The following PSD3 variants were observed in gnomAD, a reference collection of about 807,000 sequenced individuals.
PSD3 encodes PH and SEC7 domain-containing protein 3.
A neutral mutation model predicts 105.5 loss-of-function variants in PSD3; 49 were observed. That is an observed-to-expected ratio of 0.46 (90% CI 0.37 to 0.59). The LOEUF is 0.59. PSD3 is among the 20% of genes least tolerant of loss of function. PSD3 has a pLI of 0.00. For synonymous variants in PSD3, 557 were observed against 457.8 expected, an observed-to-expected ratio of 1.22 and a Z score of -2.77; for missense variants, 1,561 against 1,263.8, an observed-to-expected ratio of 1.24 and a Z score of -3.57.
At chr8:18,629,460 T>A (rs1806739459) in intron 11 of PSD3, among the ~76,000 whole-genome samples, 1 of 151,966 alleles carries the variant, frequency 6.6e-6, no homozygotes. Flanking sequence ...ACCAGAATGC[T>A]CAGCTGGTGA....
At chr8:19,051,579 G>A (rs969703363) in intron 1 of PSD3, among the ~76,000 whole-genome samples, 6 of 152,154 alleles carry the variant, frequency 3.9e-5, no homozygotes, top group African/African-American at 1.4e-4. Flanking sequence ...TGCTCCTGGA[G>A]TGTGGAAATT....
chr8:18,694,159 AATC>A (rs1415585521), intron 9 of PSD3, among the ~76,000 whole-genome samples: 1 of 152,150 alleles, frequency 6.6e-6, no homozygotes, highest in Non-Finnish European at 1.5e-5. Context: ...CCACACAGTA[AATC>A]ATCATCAATA....
intron 1 of PSD3, among the ~76,000 whole-genome samples, chr8:19,057,040 C>T (rs1239774444): frequency 1.3e-5 from 2 of 152,142 alleles, no homozygotes; most frequent in African/African-American, 2.4e-5. Context: ...TTTTGATGAG[C>T]TCTTGATGCT....
At chr8:18,552,393 T>C (rs1800820860) in intron 15 of PSD3, among the ~76,000 whole-genome samples, 1 of 152,170 alleles carries the variant, frequency 6.6e-6, no homozygotes, top group Non-Finnish European at 1.5e-5. Flanking sequence ...CTCCTTCCAG[T>C]TGCTGTTGTT....
At chr8:18,746,725 C>A (rs543926880) in intron 9 of PSD3, among the ~76,000 whole-genome samples, 6 of 152,208 alleles carry the variant, frequency 3.9e-5, no homozygotes, top group African/African-American at 1.2e-4. Context: ...TTCGTTCTTT[C>A]CTTTTCCATT....
At chr8:19,042,608 G>T (rs2129476755) in intron 1 of PSD3, among the ~76,000 whole-genome samples, 1 of 152,208 alleles carries the variant, frequency 6.6e-6, no homozygotes, top group South Asian at 2.1e-4. Flanking sequence ...AAAATCCTGG[G>T]ATATAAACAA....
chr8:18,889,800 T>G (rs1818670773), intron 2 of PSD3, among the ~76,000 whole-genome samples: 2 of 152,288 alleles, frequency 1.3e-5, no homozygotes, highest in Admixed American at 1.3e-4. Flanking sequence ...TGTACAAATT[T>G]TAGAACAAAA....
chr8:18,927,249 T>A (rs965830021), intron 2 of PSD3, among the ~76,000 whole-genome samples: 1 of 152,132 alleles, frequency 6.6e-6, no homozygotes, highest in African/African-American at 2.4e-5. Context: ...AGTGTCACTC[T>A]GTTGCCCAGG....
chr8:18,962,102 C>T (rs11774201), intron 1 of PSD3, among the ~76,000 whole-genome samples: 28,722 of 151,888 alleles, frequency 0.19, 3,007 homozygotes, highest in Non-Finnish European at 0.24. Context: ...AAAAATTAGC[C>T]GGGCCTGGTG....
At chr8:18,807,409 G>C (rs570158797) in intron 4 of PSD3, among the ~76,000 whole-genome samples, 17 of 152,270 alleles carry the variant, frequency 1.1e-4, no homozygotes, top group African/African-American at 4.1e-4. Flanking sequence ...CCCTTGAAAT[G>C]AAGCTCTAAG....
At chr8:18,731,586 T>A (rs988733044) in intron 9 of PSD3, among the ~76,000 whole-genome samples, 2 of 152,212 alleles carry the variant, frequency 1.3e-5, no homozygotes, top group African/African-American at 4.8e-5. Flanking sequence ...ATAAATCTTT[T>A]AAGTACAAAA....
At chr8:18,850,362 TA>T (rs1815463491) in intron 4 of PSD3, among the ~76,000 whole-genome samples, 1 of 152,206 alleles carries the variant, frequency 6.6e-6, no homozygotes, top group Non-Finnish European at 1.5e-5. Flanking sequence ...ACAGCTCCTA[TA>T]ACAATGGATC....
chr8:19,017,930 T>C (rs1439048918), upstream of PSD3, among the ~76,000 whole-genome samples: 1 of 152,316 alleles, frequency 6.6e-6, no homozygotes, highest in East Asian at 1.9e-4. Flanking sequence ...CTACCTAGAG[T>C]AGAAATTGTG....
At chr8:18,692,201 A>T (rs1801008629) in intron 9 of PSD3, among the ~76,000 whole-genome samples, 2 of 152,246 alleles carry the variant, frequency 1.3e-5, no homozygotes, top group South Asian at 4.1e-4. Flanking sequence ...AGGCATGAGG[A>T]ATAAAATATT....
chr8:18,829,405 C>T (rs182518839), intron 4 of PSD3, among the ~76,000 whole-genome samples: 45 of 152,240 alleles, frequency 3.0e-4, no homozygotes, highest in African/African-American at 1.1e-3. Flanking sequence ...CCAAATTCTT[C>T]CATAGTTCCC....
At position 18,822,791 on chromosome 8, in the gene PSD3, C is replaced by G. The variant is rs150411811; in HGVS notation, c.1635-17893G>C. On this transcript the variant is annotated intron_variant, in intron 4 of 15. Transcript: ENST00000327040. The stretch of plus-strand genomic sequence containing the variant: ...ACGGAAAAGTCATATGCTGACCTCC[C>G]TAGTATATTAACCCCATGTACATCT... Among the ~76,000 whole-genome samples the G allele has an allele frequency of 5.2e-3, 792 of 152,282 alleles. 10 individuals carry two copies. The highest frequency in any genetic ancestry group is 0.014 in the African/African-American group (597 of 41,562).
intron 9 of PSD3, among the ~76,000 whole-genome samples, chr8:18,671,866 T>A (rs191905193): frequency 6.6e-6 from 1 of 152,080 alleles, no homozygotes; most frequent in Non-Finnish European, 1.5e-5. Context: ...CTCCTGACCT[T>A]GTTATCCGCC....
chr8:18,869,050 G>A (rs1044037854), intron 3 of PSD3, among the ~76,000 whole-genome samples: 2 of 152,104 alleles, frequency 1.3e-5, no homozygotes, highest in African/African-American at 4.8e-5. Flanking sequence ...TTGGTTTGTT[G>A]TTTTTAAATA....
At chr8:19,025,798 T>C (rs1480389099) in intron 1 of PSD3, among the ~76,000 whole-genome samples, 1 of 152,204 alleles carries the variant, frequency 6.6e-6, no homozygotes, top group Non-Finnish European at 1.5e-5. Flanking sequence ...GACAATTACT[T>C]GGTGTGGTAA....
Sources: allele counts gnomAD v4.1 joint callset (sites outside exome capture counted in the v4.1 genomes callset), GRCh38; gene constraint gnomAD v4.1.1; transcripts MANE v1.5; gene names NCBI Gene and HGNC (gene_info 2026-07-23, HGNC 2026-07-21).